Variants in PDZRN3 observed in about 807,000 individuals in gnomAD.
The protein encoded by PDZRN3 is PDZ domain containing ring finger 3, also known as E3 ubiquitin-protein ligase PDZRN3.
A neutral mutation model predicts 85.7 loss-of-function variants in PDZRN3; 38 were observed. That is an observed-to-expected ratio of 0.44 (90% confidence interval 0.34 to 0.58). The LOEUF (loss-of-function observed/expected upper bound fraction) is 0.58, where lower values mean the gene tolerates loss of function less well. PDZRN3 is among the 20% of genes least tolerant of loss of function. The probability of loss-of-function intolerance (pLI) is 0.01; values close to 1 mark genes in which losing one functional copy is unlikely to be tolerated. For synonymous variants in PDZRN3, 759 were observed against 638.0 expected (o/e 1.19, Z -2.86); for missense variants, 1,629 against 1,506.4 (o/e 1.08, Z -1.35).
Position 73,383,228 on chromosome 3 carries a change from G to A in PDZRN3, c.*137C>T. On this transcript the variant is annotated 3_prime_UTR_variant, in exon 10 of 10. Transcript: ENST00000263666. ...AAATAGACCTATGACACCCAGAGTT[G>A]TAGGGTTTGCAAATTTGGACTATAA... The A allele has an allele frequency of 1.3e-6, 1 of 754,344 alleles. No individual in the cohort carries two copies. Among genetic ancestry groups the A allele is most frequent in the Non-Finnish European group, 2.2e-6 (1 of 458,976 alleles). 46.7% of individuals were successfully genotyped at this position (754,344 alleles called of 1,614,324 possible). A position where few individuals can be genotyped will look rare whatever the true frequency, so the allele number is the denominator to read the frequency against.
chr3:73,542,647 G>A (rs945555957), intron 3 of PDZRN3, among the ~76,000 whole-genome samples: 3 of 151,944 alleles, frequency 2.0e-5, no homozygotes, highest in South Asian at 2.1e-4. Flanking sequence ...GGTGGCAGGC[G>A]CCTGTAATCC....
chr3:73,501,067 A>T lies in PDZRN3; in HGVS notation c.919-96672T>A, dbSNP rs9862278. On this transcript the variant is annotated intron_variant, in intron 3 of 9. Transcript: ENST00000263666. ...TTCCCTACCAATGTCCGTGTAAGCA[A>T]TTCAGAAATACTTGTAATTTTTGAA... Among the ~76,000 whole-genome samples the T allele has an allele frequency of 3.0e-3, 460 of 152,298 alleles. 1 individual carries two copies. The highest frequency in any genetic ancestry group is 0.011 in the African/African-American group (447 of 41,558).
intron 3 of PDZRN3, among the ~76,000 whole-genome samples, chr3:73,446,137 A>G (rs1477306355): frequency 6.6e-6 from 1 of 152,256 alleles, no homozygotes; most frequent in African/African-American, 2.4e-5. Context: ...AATGGGGAAC[A>G]TTAACAGCTT....
rs369396762 is a variant in PDZRN3, at chr3:73,590,223, C to T, written c.918+12131G>A. On this transcript the variant is annotated intron_variant, in intron 3 of 9. Transcript: ENST00000263666. ...AGCAGAGGTTATGGTGAGCTGAGAT[C>T]GCACCACTGCACTCCAGCCTGGGTG... Among the ~76,000 whole-genome samples, 20 of 143,622 alleles carry T rather than the reference C, an allele frequency of 1.4e-4. No homozygotes were observed. In the East Asian group the frequency reaches 1.8e-3, roughly 13 times the overall value. 94.2% of individuals were successfully genotyped at this position (143,622 alleles called of 152,430 possible). A position where few individuals can be genotyped will look rare whatever the true frequency, so the allele number is the denominator to read the frequency against.
chr3:73,388,095 G>A, intron 7 of PDZRN3, 26 bp from the exon 8 acceptor site: 1 of 1,006,292 alleles, frequency 9.9e-7, no homozygotes, highest in Non-Finnish European at 1.5e-6. Flanking sequence ...GGGGGGTGGG[G>A]AGAGTGGGGA....
intron 3 of PDZRN3, among the ~76,000 whole-genome samples, chr3:73,447,322 C>T (rs373960575): frequency 1.3e-5 from 2 of 151,974 alleles, no homozygotes; most frequent in Admixed American, 6.6e-5. Context: ...CCCTCCCACT[C>T]GTGCTGTCTG....
chr3:73,426,174 CATGCATATGTATACATTATGTAT>C (rs1702311410), intron 3 of PDZRN3, among the ~76,000 whole-genome samples: 1 of 151,946 alleles, frequency 6.6e-6, no homozygotes, highest in Non-Finnish European at 1.5e-5. Context: ...TATATACACA[CATGCATATGTATACATTATGTAT>C]ATAATGTATA....
In PDZRN3 at chr3:73,384,594, T is replaced by G. The variant is rs906472670; in HGVS notation, c.1972A>C (p.Ser658Arg). 32 of 1,613,636 alleles carry G rather than the reference T, an allele frequency of 2.0e-5. No individual in the cohort carries two copies. The highest frequency in any genetic ancestry group is 2.5e-5 in the Non-Finnish European group (29 of 1,180,034). Residue 658 changes from serine (S) to arginine (R), a missense_variant, in exon 10 of 10, where the codon AGC becomes CGC. Transcript: ENST00000263666. The part of the protein sequence containing the change: ...ELLELKCQVK[S>R]ATPYGLYYPS... The stretch of plus-strand genomic sequence containing the variant: ...TAGTACAGGCCGTAAGGGGTGGCGC[T>G]CTTCACCTGGCACTTGAGCTCCAGG...
intron 3 of PDZRN3, among the ~76,000 whole-genome samples, chr3:73,572,545 C>T (rs1224918789): frequency 1.3e-5 from 2 of 152,172 alleles, no homozygotes; most frequent in Non-Finnish European, 2.9e-5. Flanking sequence ...TCTGTGTGAA[C>T]AACTCCCATA....
chr3:73,564,605 T>C (rs1012317741), intron 3 of PDZRN3, among the ~76,000 whole-genome samples: 6 of 152,192 alleles, frequency 3.9e-5, no homozygotes, highest in Non-Finnish European at 8.8e-5. Flanking sequence ...GTCCAATCCC[T>C]CTTAGGGCTT....
chr3:73,579,671 C>T (rs568338918), intron 3 of PDZRN3, among the ~76,000 whole-genome samples: 2 of 152,128 alleles, frequency 1.3e-5, no homozygotes, highest in South Asian at 4.2e-4. Context: ...TGCAAGTTGC[C>T]CCTGTGTAAG....
chr3:73,557,098 C>T (rs1292506469), intron 3 of PDZRN3, among the ~76,000 whole-genome samples: 4 of 152,126 alleles, frequency 2.6e-5, no homozygotes, highest in African/African-American at 9.7e-5. Context: ...CACCACTGTG[C>T]CCAGATCCTG....
chr3:73,580,208 C>A (rs1449778100), intron 3 of PDZRN3, among the ~76,000 whole-genome samples: 1 of 152,126 alleles, frequency 6.6e-6, no homozygotes, highest in African/African-American at 2.4e-5. Flanking sequence ...CAGAGGTTCA[C>A]GAATGGTCCC....
intron 3 of PDZRN3, among the ~76,000 whole-genome samples, chr3:73,554,644 TAGAA>T (rs1175270146): frequency 6.6e-6 from 1 of 152,124 alleles, no homozygotes; most frequent in Non-Finnish European, 1.5e-5. Flanking sequence ...TATCCCAACT[TAGAA>T]AGGTCTCCAA....
At chr3:73,495,921 T>C (rs1476908560) in intron 3 of PDZRN3, among the ~76,000 whole-genome samples, 2 of 152,146 alleles carry the variant, frequency 1.3e-5, no homozygotes, top group Non-Finnish European at 2.9e-5. Flanking sequence ...GTACTCAACA[T>C]CGATTTTTTA....
chr3:73,464,376 G>T (rs1703168711), intron 3 of PDZRN3, among the ~76,000 whole-genome samples: 1 of 151,926 alleles, frequency 6.6e-6, no homozygotes, highest in South Asian at 2.1e-4. Flanking sequence ...TATTCTAGTT[G>T]GTTATTATTG....
At chr3:73,535,982 A>C (rs1413701287) in intron 3 of PDZRN3, among the ~76,000 whole-genome samples, 1 of 152,242 alleles carries the variant, frequency 6.6e-6, no homozygotes, top group Admixed American at 6.5e-5. Flanking sequence ...AAGTAAAAGA[A>C]AAATATGATA....
chr3:73,558,075 G>A (rs1575735095), intron 3 of PDZRN3, among the ~76,000 whole-genome samples: 1 of 145,044 alleles, frequency 6.9e-6, no homozygotes, highest in East Asian at 1.9e-4. Context: ...TTTAATATAT[G>A]TTTTTTTTCT....
intron 5 of PDZRN3, among the ~76,000 whole-genome samples, chr3:73,395,632 A>G (rs1331330708): frequency 6.6e-6 from 1 of 152,236 alleles, no homozygotes; most frequent in African/African-American, 2.4e-5. Flanking sequence ...CCACTAAAGC[A>G]TAACTCTTCA....
Sources: allele counts gnomAD v4.1 joint callset (sites outside exome capture counted in the v4.1 genomes callset), GRCh38; gene constraint gnomAD v4.1.1; transcripts MANE v1.5; gene names NCBI Gene and HGNC (gene_info 2026-07-23, HGNC 2026-07-21).